Variants in KATNIP observed in about 807,000 individuals in gnomAD.
The protein encoded by KATNIP is katanin interacting protein, also known as katanin-interacting protein.
Under a neutral mutation model 174.0 loss-of-function variants are expected in KATNIP, and 126 were observed. The observed-to-expected ratio is 0.72, with a 90% CI of 0.63 to 0.84. The LOEUF is 0.84. KATNIP is among the 40% of genes least tolerant of loss of function. The probability of loss-of-function intolerance (pLI) is 0.00; values close to 1 mark genes in which losing one functional copy is unlikely to be tolerated. For missense variants in KATNIP, 1,958 were observed against 2,109.7 expected, an observed-to-expected ratio of 0.93 and a Z score of 1.41; for synonymous variants, 810 against 835.7, an observed-to-expected ratio of 0.97 and a Z score of 0.53.
intron 14 of KATNIP, among the ~76,000 whole-genome samples, chr16:27,734,211 T>C (rs2080812101): frequency 1.3e-5 from 2 of 151,822 alleles, no homozygotes; most frequent in Admixed American, 1.3e-4. Flanking sequence ...GCCTCTCCAG[T>C]AGCTGAGATT....
At chr16:27,706,358 C>T (rs776068488) in intron 12 of KATNIP, among the ~76,000 whole-genome samples, 2 of 152,186 alleles carry the variant, frequency 1.3e-5, no homozygotes, top group African/African-American at 2.4e-5. Context: ...TTCTGGCAGC[C>T]GAGGGGACAG....
chr16:27,689,265 A>C (rs935020554), intron 8 of KATNIP, among the ~76,000 whole-genome samples: 21 of 152,078 alleles, frequency 1.4e-4, no homozygotes, highest in African/African-American at 5.1e-4. Flanking sequence ...AAAATATGAA[A>C]ATTAGCTGGG....
chr16:27,743,374 G>A (rs573469924), intron 15 of KATNIP, among the ~76,000 whole-genome samples: 32 of 152,176 alleles, frequency 2.1e-4, no homozygotes, highest in African/African-American at 7.7e-4. Flanking sequence ...ATGTCACTTA[G>A]GGTACAGGAA....
At chr16:27,720,392 A>G (rs941643599) in intron 13 of KATNIP, among the ~76,000 whole-genome samples, 35 of 151,998 alleles carry the variant, frequency 2.3e-4, no homozygotes, top group African/African-American at 8.2e-4. Flanking sequence ...CACCTGGCCT[A>G]CAGTCTCCTC....
chr16:27,565,465 CAAA>C (rs1382590988), intron 1 of KATNIP, among the ~76,000 whole-genome samples: 4 of 72,200 alleles, frequency 5.5e-5, no homozygotes, highest in Non-Finnish European at 5.8e-5. Context: ...GACTCTGTCT[CAAA>C]AAAAAAAAAA....
intron 2 of KATNIP, among the ~76,000 whole-genome samples, chr16:27,587,543 A>G (rs2090947727): frequency 6.6e-6 from 1 of 152,256 alleles, no homozygotes; most frequent in African/African-American, 2.4e-5. Context: ...ACAATGGGTT[A>G]TGTCCCAATA....
chr16:27,655,481 C>T (rs187690044), intron 6 of KATNIP, among the ~76,000 whole-genome samples: 205 of 151,732 alleles, frequency 1.4e-3, no homozygotes, highest in African/African-American at 4.7e-3. Context: ...AAACTCCTGG[C>T]TCAAGTGATC....
rs566916476 is a variant in KATNIP, at chr16:27,770,460, T to C, written c.4133+442T>C. The stretch of plus-strand genomic sequence containing the variant: ...CTCAGCTGCATTAAGTTCATAACGA[T>C]TTGTAAATGCCACGTTAAGTTTACT... On this transcript the variant is annotated intron_variant, in intron 21 of 27. Transcript: ENST00000261588. Among the ~76,000 whole-genome samples, 183 of 152,366 alleles carry C rather than the reference T, an allele frequency of 1.2e-3. 1 individual carries two copies. Among genetic ancestry groups the C allele is most frequent in the Non-Finnish European group, 1.8e-4 (12 of 68,034 alleles).
At chr16:27,661,145 G>A (rs1490803936) in intron 6 of KATNIP, among the ~76,000 whole-genome samples, 3 of 152,164 alleles carry the variant, frequency 2.0e-5, no homozygotes, top group Non-Finnish European at 4.4e-5. Flanking sequence ...GTGTTGCTTG[G>A]GGTAGAAGAG....
chr16:27,775,723 G>C (rs903031977), intron 24 of KATNIP, among the ~76,000 whole-genome samples: 1 of 152,248 alleles, frequency 6.6e-6, no homozygotes, highest in African/African-American at 2.4e-5. Flanking sequence ...TCAGCCCAGG[G>C]CCAGGTGCCT....
intron 19 of KATNIP, among the ~76,000 whole-genome samples, chr16:27,763,441 T>TAAA (rs35206356): frequency 1.3e-4 from 9 of 68,200 alleles, no homozygotes; most frequent in Admixed American, 5.4e-4. Flanking sequence ...ATTGTGTCTC[T>TAAA]AAAAAAAAAA....
At chr16:27,652,732 GA>G (rs2077156403) in intron 6 of KATNIP, among the ~76,000 whole-genome samples, 1 of 150,792 alleles carries the variant, frequency 6.6e-6, no homozygotes, top group Non-Finnish European at 1.5e-5. Context: ...AGAATCACTT[GA>G]ACCTAGGAGG....
chr16:27,704,097 GC>G lies in KATNIP; in HGVS notation c.1389+100del. 5 of 895,168 alleles carry G rather than the reference GC, an allele frequency of 5.6e-6. No individual in the cohort carries two copies. The South Asian group carries it at 7.4e-5, about 13-fold the overall frequency. 55.5% of individuals were successfully genotyped at this position (895,168 alleles called of 1,614,324 possible). On this transcript the variant is annotated intron_variant, in intron 12 of 27. Transcript: ENST00000261588. ...GATTGCTCTGACAGTGGTTAAATGA[GC>G]ATCTCTCTGCCTGTGTTTCCACCGC...
Position 27,637,945 on chromosome 16 carries a change from C to T in KATNIP, c.408+6783C>T, listed in dbSNP as rs2076683276. On this transcript the variant is annotated intron_variant, in intron 5 of 27. Transcript: ENST00000261588. The surrounding 1 kb of genome is among the most constrained non-coding windows in gnomAD (Gnocchi z 4.7). ...GCTACGTCTCTCTCCACCAACCTTC[C>T]CCAGCCCCCGTCCTTGCACTTCTGT... is the stretch of plus-strand genomic sequence containing the variant. Among the ~76,000 whole-genome samples the T allele has an allele frequency of 6.6e-6, 1 of 152,198 alleles. No individual in the cohort carries two copies. The highest frequency in any genetic ancestry group is 2.4e-5 in the African/African-American group (1 of 41,460).
At chr16:27,734,187 A>G (rs1200440283) in intron 14 of KATNIP, among the ~76,000 whole-genome samples, 1 of 151,608 alleles carries the variant, frequency 6.6e-6, no homozygotes, top group Non-Finnish European at 1.5e-5. Context: ...GTTTCAAGTA[A>G]TTCTCCCGCC....
chr16:27,631,003 C>T, intron 4 of KATNIP, 62 bp from the exon 5 acceptor site: 1 of 1,349,172 alleles, frequency 7.4e-7, no homozygotes, highest in Non-Finnish European at 1.0e-6. Context: ...TACAAACCAA[C>T]CCAGTACTGT....
At chr16:27,643,540 G>A (rs962145064) in intron 5 of KATNIP, among the ~76,000 whole-genome samples, 7 of 127,234 alleles carry the variant, frequency 5.5e-5, no homozygotes, top group Admixed American at 9.9e-5. Flanking sequence ...GCAGTGAGTC[G>A]AGATCACCCC....
At chr16:27,635,497 A>G (rs924853415) in intron 5 of KATNIP, among the ~76,000 whole-genome samples, 2 of 152,180 alleles carry the variant, frequency 1.3e-5, no homozygotes, top group Non-Finnish European at 2.9e-5. Flanking sequence ...GGAGCATTCA[A>G]AAGTGGTGAA....
intron 5 of KATNIP, among the ~76,000 whole-genome samples, chr16:27,640,169 A>G (rs550335966): frequency 1.6e-4 from 25 of 152,332 alleles, no homozygotes; most frequent in African/African-American, 5.8e-4. Context: ...AAAAAGGAAC[A>G]TGGATTTGGG....
Sources: allele counts gnomAD v4.1 joint callset (sites outside exome capture counted in the v4.1 genomes callset), GRCh38; gene constraint gnomAD v4.1.1; non-coding constraint Gnocchi (gnomAD v3.1); transcripts MANE v1.5; gene names NCBI Gene and HGNC (gene_info 2026-07-23, HGNC 2026-07-21).